Variants in ZNF44 observed in about 807,000 individuals in gnomAD.
ZNF44 encodes gonadotropin inducible transcription repressor-2.
A neutral mutation model predicts 11.7 loss-of-function variants in ZNF44; 9 were observed. The observed-to-expected ratio is 0.77, with a 90% CI of 0.46 to 1.35. The LOEUF (loss-of-function observed/expected upper bound fraction) is 1.35, where lower values mean the gene tolerates loss of function less well. Among genes scored for constraint, ZNF44 ranks in the 40% most tolerant of loss-of-function variants. The probability of loss-of-function intolerance (pLI) is 0.00; values close to 1 mark genes in which losing one functional copy is unlikely to be tolerated. For synonymous variants in ZNF44, 224 were observed against 242.7 expected, an observed-to-expected ratio of 0.92 and a Z score of 0.72; for missense variants, 696 against 743.1, an observed-to-expected ratio of 0.94 and a Z score of 0.74.
chr19:12,284,183 C>A (rs1384626677), intron 1 of ZNF44, among the ~76,000 whole-genome samples: 1 of 152,100 alleles, frequency 6.6e-6, no homozygotes, highest in Non-Finnish European at 1.5e-5. Context: ...AGAATTATTT[C>A]ACAGATGAAA....
At chr19:12,287,046 C>T (rs553741488) in intron 1 of ZNF44, among the ~76,000 whole-genome samples, 19 of 119,032 alleles carry the variant, frequency 1.6e-4, no homozygotes, top group Admixed American at 1.1e-3. Flanking sequence ...CACACACACA[C>T]GTATAATATA....
At chr19:12,252,319 C>A (rs1400174145) in intron 5 of ZNF44, among the ~76,000 whole-genome samples, 1 of 152,142 alleles carries the variant, frequency 6.6e-6, no homozygotes. Context: ...AAGAAAAAAT[C>A]TGTATCAAGC....
At chr19:12,244,285 T>C (rs1220179296), downstream of ZNF44, among the ~76,000 whole-genome samples, 1 of 152,224 alleles carries the variant, frequency 6.6e-6, no homozygotes, top group Non-Finnish European at 1.5e-5. Context: ...ATTATAGGCA[T>C]AAGCCACGGC....
chr19:12,249,795 G>A (rs569294055), intron 7 of ZNF44, among the ~76,000 whole-genome samples: 132 of 152,126 alleles, frequency 8.7e-4, no homozygotes, highest in Non-Finnish European at 2.5e-4. Context: ...CAGGTGATCC[G>A]GCTGCCTCAG....
chr19:12,265,975 C>G (rs1917711713), intron 5 of ZNF44, among the ~76,000 whole-genome samples: 1 of 152,214 alleles, frequency 6.6e-6, no homozygotes, highest in South Asian at 2.1e-4. Context: ...CTCCCCATGA[C>G]CCTCCCATGG....
In ZNF44 at chr19:12,272,594, T is replaced by A; in HGVS notation, c.1661A>T (p.His554Leu). 1 of 1,613,386 alleles carries A rather than the reference T, an allele frequency of 6.2e-7. No individual in the cohort carries two copies. Among genetic ancestry groups the A allele is most frequent in the Non-Finnish European group, 8.5e-7 (1 of 1,179,720 alleles). ...PSFLLRHERT[H>L]TGERPYECKH... ...ACATTCATAGGGTCTTTCTCCAGTG[T>A]GAGTCCTTTCATGTCTTAGAAGGAA... Residue 554 changes from histidine (H) to leucine (L), a missense_variant, in exon 4 of 4, where the codon CAC (histidine) becomes CTC (leucine). Transcript: ENST00000355684.
chr19:12,260,796 AAC>A (rs1917477803), intron 5 of ZNF44, among the ~76,000 whole-genome samples: 1 of 152,176 alleles, frequency 6.6e-6, no homozygotes, highest in South Asian at 2.1e-4. Flanking sequence ...CAATGGAAGA[AAC>A]ACAGAGCAGC....
intron 1 of ZNF44, among the ~76,000 whole-genome samples, chr19:12,293,945 G>A (rs1029263720): frequency 1.3e-5 from 2 of 151,774 alleles, no homozygotes; most frequent in Admixed American, 6.5e-5. Context: ...CCAGGCTGGA[G>A]GCGAGATTGC....
intron 3 of ZNF44, among the ~76,000 whole-genome samples, chr19:12,229,504 C>G (rs1227821891): frequency 6.6e-6 from 1 of 152,030 alleles, no homozygotes; most frequent in Non-Finnish European, 1.5e-5. Flanking sequence ...ATTCAGTTAA[C>G]TGGGAAAAAA....
intron 7 of ZNF44, among the ~76,000 whole-genome samples, chr19:12,249,500 C>T (rs1478019105): frequency 7.3e-6 from 1 of 137,588 alleles, no homozygotes; most frequent in Non-Finnish European, 1.5e-5. Context: ...AGCAAGACTC[C>T]GTCTCAGAAA....
At chr19:12,247,656 CA>C in exon 8 of ZNF44, 1 of 1,348,936 alleles carries the variant, frequency 7.4e-7, no homozygotes, top group Non-Finnish European at 9.9e-7. Flanking sequence ...GGCAGAACTG[CA>C]ACAATAAAAG....
chr19:12,250,289 A>T, exon 6 of ZNF44: 1 of 1,366,662 alleles, frequency 7.3e-7, no homozygotes, highest in Non-Finnish European at 9.8e-7. Flanking sequence ...GTCTCTGTAG[A>T]GTTTTTTCTG....
intron 5 of ZNF44, among the ~76,000 whole-genome samples, chr19:12,255,032 T>C (rs1186570416): frequency 6.7e-6 from 1 of 149,802 alleles, no homozygotes; most frequent in Non-Finnish European, 1.5e-5. Flanking sequence ...GAGGTTGTGG[T>C]GAACCAAGAT....
chr19:12,241,666 G>T (rs961967008), upstream of ZNF44, among the ~76,000 whole-genome samples: 2 of 152,194 alleles, frequency 1.3e-5, no homozygotes, highest in African/African-American at 4.8e-5. Flanking sequence ...CTGCACTCCA[G>T]CCTGGGCAAC....
downstream of ZNF44, chr19:12,247,471 G>T (rs1449198094): frequency 2.2e-6 from 3 of 1,338,674 alleles, no homozygotes; most frequent in Non-Finnish European, 3.0e-6. Context: ...ATTCGTTCAT[G>T]TATATGAATA....
intron 1 of ZNF44, among the ~76,000 whole-genome samples, chr19:12,287,685 A>G (rs1967825934): frequency 6.6e-6 from 1 of 152,198 alleles, no homozygotes; most frequent in Non-Finnish European, 1.5e-5. Flanking sequence ...TGAATATACC[A>G]CATTTTCATT....
chr19:12,276,339 G>A (rs1256426881), intron 1 of ZNF44, among the ~76,000 whole-genome samples: 1 of 152,140 alleles, frequency 6.6e-6, no homozygotes, highest in Non-Finnish European at 1.5e-5. Context: ...TTATTGCCTG[G>A]ATTACTCCTA....
intron 1 of ZNF44, among the ~76,000 whole-genome samples, chr19:12,279,092 C>T (rs1320986676): frequency 7.2e-5 from 11 of 152,132 alleles, no homozygotes; most frequent in South Asian, 2.1e-4. Flanking sequence ...TCTGTCAGAA[C>T]GCTGGATGAA....
intron 7 of ZNF44, chr19:12,249,829 G>C (rs912542884): frequency 4.1e-5 from 21 of 506,978 alleles, no homozygotes; most frequent in Non-Finnish European, 6.0e-5. Flanking sequence ...TGGGATTACA[G>C]GCATGAGCCA....
Sources: allele counts gnomAD v4.1 joint callset (sites outside exome capture counted in the v4.1 genomes callset), GRCh38; gene constraint gnomAD v4.1.1; transcripts MANE v1.5; gene names NCBI Gene and HGNC (gene_info 2026-07-23, HGNC 2026-07-21).